Variants in CFAP299 observed in about 807,000 individuals in gnomAD.
The protein encoded by CFAP299 is cilia- and flagella-associated protein 299.
A neutral mutation model predicts 27.0 loss-of-function variants in CFAP299; 21 were observed. The observed-to-expected ratio is 0.78, with a 90% CI of 0.55 to 1.12. The LOEUF is 1.12. Ranked by LOEUF, CFAP299 falls within the 50% of genes most tolerant of loss-of-function variation. The pLI is 0.00. For synonymous variants in CFAP299, 104 were observed against 98.1 expected (o/e 1.06, Z -0.36); for missense variants, 310 against 276.6 (o/e 1.12, Z -0.86).
intron 3 of CFAP299, among the ~76,000 whole-genome samples, chr4:80,651,007 T>C (rs1249823045): frequency 8.6e-5 from 13 of 151,954 alleles, no homozygotes; most frequent in African/African-American, 2.9e-4. Flanking sequence ...CAATAACCTA[T>C]GGAAATAAAA....
At chr4:80,336,708 AGC>A (rs1190195518) in intron 1 of CFAP299, 2 of 152,226 alleles carry the variant, frequency 1.3e-5, no homozygotes, top group African/African-American at 4.8e-5. Context: ...GTATATTCCT[AGC>A]CAAACTTCCC....
intron 3 of CFAP299, among the ~76,000 whole-genome samples, chr4:80,600,185 C>G (rs1737258252): frequency 6.6e-6 from 1 of 152,168 alleles, no homozygotes; most frequent in South Asian, 2.1e-4. Flanking sequence ...ATATTAGGCG[C>G]AAATATGCTT....
At chr4:80,368,715 G>T (rs1220689310) in intron 2 of CFAP299, among the ~76,000 whole-genome samples, 2 of 151,958 alleles carry the variant, frequency 1.3e-5, no homozygotes, top group Non-Finnish European at 2.9e-5. Flanking sequence ...TTTTATTTTT[G>T]TATATCATTT....
intron 2 of CFAP299, among the ~76,000 whole-genome samples, chr4:80,454,779 G>C: frequency 6.6e-6 from 1 of 152,220 alleles, no homozygotes; most frequent in East Asian, 1.9e-4. Context: ...AGAGCCAGCT[G>C]TATAGGAGAC....
At chr4:80,611,196 T>A (rs1451466166) in intron 3 of CFAP299, among the ~76,000 whole-genome samples, 2 of 152,106 alleles carry the variant, frequency 1.3e-5, no homozygotes, top group Non-Finnish European at 1.5e-5. Flanking sequence ...CTCTCCATCA[T>A]TCTGTCTTTT....
chr4:80,839,061 G>T (rs115238835), intron 3 of CFAP299, among the ~76,000 whole-genome samples: 94 of 152,238 alleles, frequency 6.2e-4, no homozygotes, highest in Non-Finnish European at 1.1e-3. Context: ...CTGCACTATT[G>T]TTCCTCAGCT....
chr4:80,537,848 T>C (rs918347031), intron 2 of CFAP299, among the ~76,000 whole-genome samples: 5 of 151,736 alleles, frequency 3.3e-5, no homozygotes, highest in African/African-American at 1.2e-4. Context: ...AAAAAATAGG[T>C]GATGTGATGA....
At chr4:80,762,790 C>G (rs892194328) in intron 3 of CFAP299, among the ~76,000 whole-genome samples, 1 of 152,084 alleles carries the variant, frequency 6.6e-6, no homozygotes, top group South Asian at 2.1e-4. Context: ...TTTCCCAGGG[C>G]AGCCAGCATC....
At position 80,535,358 on chromosome 4, in the gene CFAP299, A is replaced by ACG; in HGVS notation, c.243-47735_243-47734insCG. The stretch of plus-strand genomic sequence containing the variant: ...TGAAGAGCTTCAATTAGCCGGGCGT[A>ACG]GTGGCGGGCGCCTGTAGTCCCAGCT... On this transcript the variant is annotated intron_variant, in intron 2 of 5. Coordinates refer to ENST00000358105, the MANE Select transcript of CFAP299 (RefSeq NM_152770.3). 2.8e-5 allele frequency among the ~76,000 whole-genome samples: 2 copies of ACG among 72,208 alleles called. 1 individual carries two copies. The highest frequency in any genetic ancestry group is 1.1e-3 in the South Asian group (2 of 1,774). 47.4% of individuals were successfully genotyped at this position (72,208 alleles called of 152,430 possible).
At chr4:80,645,332 C>T (rs1216358638) in intron 3 of CFAP299, among the ~76,000 whole-genome samples, 2 of 150,456 alleles carry the variant, frequency 1.3e-5, no homozygotes, top group Non-Finnish European at 3.0e-5. Context: ...TATACAGCAC[C>T]AAGCTCTACC....
chr4:80,513,598 C>T (rs1013484788), intron 2 of CFAP299, among the ~76,000 whole-genome samples: 5 of 152,052 alleles, frequency 3.3e-5, no homozygotes, highest in Non-Finnish European at 5.9e-5. Context: ...ATTTCATCCT[C>T]AAGTAAACTC....
chr4:80,654,358 ACT>A (rs1294668623), intron 3 of CFAP299, among the ~76,000 whole-genome samples: 17 of 151,744 alleles, frequency 1.1e-4, no homozygotes, highest in Non-Finnish European at 2.9e-5. Context: ...TTTTCTGTAA[ACT>A]CTGTTGCTCC....
chr4:80,518,691 T>TG (rs1732715095), intron 2 of CFAP299, among the ~76,000 whole-genome samples: 1 of 152,024 alleles, frequency 6.6e-6, no homozygotes, highest in Non-Finnish European at 1.5e-5. Flanking sequence ...CTATGTTGGG[T>TG]GGTGAGCAGG....
intron 3 of CFAP299, among the ~76,000 whole-genome samples, chr4:80,651,034 T>G (rs971476253): frequency 6.6e-6 from 1 of 152,088 alleles, no homozygotes; most frequent in Non-Finnish European, 1.5e-5. Flanking sequence ...AAAAAAATAT[T>G]TTTTAAGATT....
At chr4:80,811,745 C>T (rs1198077431) in intron 3 of CFAP299, among the ~76,000 whole-genome samples, 1 of 152,046 alleles carries the variant, frequency 6.6e-6, no homozygotes, top group African/African-American at 2.4e-5. Flanking sequence ...GATAAGGCAT[C>T]TGACACTTGA....
intron 3 of CFAP299, among the ~76,000 whole-genome samples, chr4:80,860,267 C>A (rs1037335895): frequency 2.0e-5 from 3 of 152,184 alleles, no homozygotes; most frequent in African/African-American, 4.8e-5. Flanking sequence ...TCCACCAGCT[C>A]CTTTAAGCAC....
chr4:80,769,964 A>G (rs1417822109), intron 3 of CFAP299, among the ~76,000 whole-genome samples: 1 of 152,114 alleles, frequency 6.6e-6, no homozygotes, highest in South Asian at 2.1e-4. Context: ...TCTCTGTTCT[A>G]CCTTCTAGTT....
intron 3 of CFAP299, among the ~76,000 whole-genome samples, chr4:80,732,218 T>C (rs1723571995): frequency 1.3e-5 from 2 of 152,160 alleles, no homozygotes; most frequent in South Asian, 2.1e-4. Context: ...TTTTCCCTCA[T>C]AAATCTTGCT....
chr4:80,653,178 T>C (rs1231624923), intron 3 of CFAP299, among the ~76,000 whole-genome samples: 1 of 152,120 alleles, frequency 6.6e-6, no homozygotes, highest in Admixed American at 6.6e-5. Flanking sequence ...ATGCATAGTT[T>C]TTCATACTTA....
Sources: gnomAD v4.1 joint callset for allele counts (sites outside exome capture counted in the v4.1 genomes callset) on GRCh38, gnomAD v4.1.1 for gene constraint, MANE v1.5 for transcripts, NCBI Gene and HGNC (gene_info 2026-07-23, HGNC 2026-07-21) for gene names.